UPF2: variants seen among roughly 807,000 people sequenced by gnomAD.
UPF2 encodes regulator of nonsense transcripts 2.
In UPF2, 17 loss-of-function variants were observed where a neutral mutation model predicts 141.4. The ratio of observed to expected loss-of-function variants is 0.12; its 90% CI spans 0.08 to 0.18. UPF2 has a LOEUF of 0.18. UPF2 is among the 10% of genes least tolerant of loss of function. The pLI is 1.00. For missense variants in UPF2, 1,152 were observed against 1,515.9 expected (o/e 0.76, Z 3.99); for synonymous variants, 540 against 498.0 (o/e 1.08, Z -1.12).
At chr10:12,030,890 A>G (rs1432446661) in intron 2 of UPF2, among the ~76,000 whole-genome samples, 3 of 138,364 alleles carry the variant, frequency 2.2e-5, no homozygotes, top group Non-Finnish European at 4.6e-5. Context: ...TCTCAAAAAA[A>G]AAGGCCAGGC....
chr10:11,955,009 A>G (rs984429136), intron 14 of UPF2, among the ~76,000 whole-genome samples: 8 of 152,084 alleles, frequency 5.3e-5, no homozygotes, highest in Admixed American at 1.3e-4. Flanking sequence ...ATTAATGACC[A>G]ATCATTATCA....
In UPF2 at chr10:11,959,385, A is replaced by T. The variant is rs774508466; in HGVS notation, c.2185-29T>A. 2.0e-6 allele frequency: 3 copies of T among 1,529,118 alleles called. No individual in the cohort carries two copies. In the East Asian group the frequency reaches 6.9e-5, roughly 35 times the overall value. 94.7% of individuals were successfully genotyped at this position (1,529,118 alleles called of 1,614,324 possible). ...AAATAAAAAGTCCAAATTAATCAAA[A>T]CACGTTCCTTCTAAGATTCCTTTAC... On this transcript the variant is annotated intron_variant, in intron 11 of 21. Coordinates refer to ENST00000357604, the MANE Select transcript of UPF2 (RefSeq NM_015542.4). This position sits in a 1 kb window ranked among gnomAD's most constrained non-coding sequence, Gnocchi z 5.9.
In UPF2 at chr10:11,959,079, G is replaced by T; in HGVS notation, c.2370+92C>A. ...CAGAGCTGATTATAAAGGAACTTGA[G>T]CTCTACCCCCACTTCTCCTAGACTC... On this transcript the variant is annotated intron_variant, in intron 12 of 21. Transcript: ENST00000357604. This position sits in a 1 kb window ranked among gnomAD's most constrained non-coding sequence, Gnocchi z 5.9. 1 of 1,262,708 alleles carries T rather than the reference G, an allele frequency of 7.9e-7. No homozygotes were observed. The highest frequency in any genetic ancestry group is 1.1e-6 in the Non-Finnish European group (1 of 951,336). The allele number at this position is 1,262,708 out of a possible 1,614,324, so 78.2% of individuals were successfully genotyped here. A position where few individuals can be genotyped will look rare whatever the true frequency, so the allele number is the denominator to read the frequency against.
At chr10:11,948,262 A>G (rs1007220140) in intron 16 of UPF2, 107 bp downstream of exon 16, 3 of 1,158,684 alleles carry the variant, frequency 2.6e-6, no homozygotes, top group Non-Finnish European at 3.5e-6. Flanking sequence ...AAAAAAAAAA[A>G]AAAAAAAACC....
intron 16 of UPF2, among the ~76,000 whole-genome samples, chr10:11,946,999 C>T (rs549162250): frequency 1.3e-5 from 2 of 152,188 alleles, no homozygotes; most frequent in African/African-American, 4.8e-5. Flanking sequence ...GCCAGGAGTT[C>T]GAGATTAGGT....
At chr10:11,963,378 C>T (rs1833270577) in intron 11 of UPF2, among the ~76,000 whole-genome samples, 1 of 150,240 alleles carries the variant, frequency 6.7e-6, no homozygotes, top group Non-Finnish European at 1.5e-5. Context: ...CATTCTGCCG[C>T]CCAGGCTGGA....
chr10:11,948,027 C>T (rs757297802), intron 16 of UPF2, among the ~76,000 whole-genome samples: 19 of 151,728 alleles, frequency 1.3e-4, no homozygotes, highest in Non-Finnish European at 2.8e-4. Context: ...AGGGGCAGAT[C>T]ACCTGAAGTC....
intron 8 of UPF2, among the ~76,000 whole-genome samples, chr10:11,983,895 GT>G (rs1833641878): frequency 4.0e-5 from 6 of 151,762 alleles, no homozygotes; most frequent in Admixed American, 3.9e-4. Context: ...AAGCTTCCTA[GT>G]TTTATTCTAT....
intron 7 of UPF2, among the ~76,000 whole-genome samples, chr10:11,999,063 G>A: frequency 6.6e-6 from 1 of 150,928 alleles, no homozygotes. Context: ...GACTCAACAA[G>A]GAGACTCTTA....
At chr10:12,031,125 T>C (rs1270975748) in intron 2 of UPF2, among the ~76,000 whole-genome samples, 2 of 142,214 alleles carry the variant, frequency 1.4e-5, no homozygotes, top group Non-Finnish European at 3.0e-5. Flanking sequence ...AGTGAGCCGA[T>C]ATAGTGCCAC....
Position 12,014,249 on chromosome 10 carries a change from TG to T in UPF2, c.1146-66del, listed in dbSNP as rs1293278714. 3.1e-6 allele frequency: 4 copies of T among 1,286,840 alleles called. No homozygotes were observed. The East Asian group carries it at 1.1e-4, about 36-fold the overall frequency. 79.7% of individuals were successfully genotyped at this position (1,286,840 alleles called of 1,614,324 possible). ...AGATGTGATCACAAATTGTTATATA[TG>T]GGAAACATTCCATAATTTGATTTTC... On this transcript the variant is annotated intron_variant, in intron 3 of 21. Coordinates refer to ENST00000357604, the MANE Select transcript of UPF2 (RefSeq NM_015542.4). The surrounding 1 kb of genome is among the most constrained non-coding windows in gnomAD (Gnocchi z 5.0).
chr10:12,007,112 T>C (rs987239248), intron 4 of UPF2, among the ~76,000 whole-genome samples: 63 of 152,188 alleles, frequency 4.1e-4, no homozygotes, highest in African/African-American at 1.5e-3. Flanking sequence ...GACAACTATG[T>C]AATATTAATC....
intron 8 of UPF2, among the ~76,000 whole-genome samples, chr10:11,985,163 T>C (rs899069229): frequency 4.9e-4 from 75 of 152,206 alleles, no homozygotes; most frequent in African/African-American, 1.8e-3. Context: ...GAAGTAAAGT[T>C]AGATACTCCA....
chr10:11,981,144 C>G (rs1027279909), intron 8 of UPF2, among the ~76,000 whole-genome samples: 5 of 151,938 alleles, frequency 3.3e-5, no homozygotes, highest in Middle Eastern at 3.2e-3. Flanking sequence ...GTCTGGGCCA[C>G]AGAGCGAGAC....
At chr10:11,960,106 C>T (rs1420420625) in intron 11 of UPF2, among the ~76,000 whole-genome samples, 1 of 152,094 alleles carries the variant, frequency 6.6e-6, no homozygotes, top group Non-Finnish European at 1.5e-5. Context: ...TTATTCTGTG[C>T]CTTGTGGAAT....
intron 1 of UPF2, chr10:12,035,797 A>G (rs915827955): frequency 6.2e-6 from 1 of 160,764 alleles, no homozygotes; most frequent in African/African-American, 2.4e-5. Context: ...ACTTCAGAAT[A>G]TATCTGTGAA....
chr10:11,994,364 G>T lies in UPF2; in HGVS notation c.1844+3308C>A, dbSNP rs117935384. On this transcript the variant is annotated intron_variant, in intron 8 of 21. Coordinates refer to ENST00000357604, the MANE Select transcript of UPF2 (RefSeq NM_015542.4). ...TGAGATGAAAAGATATGTATCAGCT[G>T]CCCACTGTGTTAAAAACAGGAAATA... 4.9e-3 allele frequency among the ~76,000 whole-genome samples: 749 copies of T among 152,296 alleles called. 6 individuals are homozygous for T. The highest frequency in any genetic ancestry group is 8.0e-3 in the Non-Finnish European group (543 of 68,024).
At chr10:12,032,755 A>G (rs1388210563) in intron 2 of UPF2, among the ~76,000 whole-genome samples, 2 of 150,116 alleles carry the variant, frequency 1.3e-5, no homozygotes, top group East Asian at 2.0e-4. Context: ...AAAAAAAAAG[A>G]CTCTCTTAAG....
intron 10 of UPF2, among the ~76,000 whole-genome samples, chr10:11,964,849 A>G (rs1292321034): frequency 6.6e-6 from 1 of 152,324 alleles, no homozygotes; most frequent in Admixed American, 6.5e-5. Flanking sequence ...GAGATTGTGG[A>G]ATACAGTATT....
Sources: gnomAD v4.1 joint callset for allele counts (sites outside exome capture counted in the v4.1 genomes callset) on GRCh38, gnomAD v4.1.1 for gene constraint, Gnocchi (gnomAD v3.1) non-coding constraint, MANE v1.5 for transcripts, NCBI Gene and HGNC (gene_info 2026-07-23, HGNC 2026-07-21) for gene names.